The following BPTF variants were observed in gnomAD, a reference collection of about 807,000 sequenced individuals.
The protein encoded by BPTF is nucleosome-remodeling factor subunit BPTF.
In BPTF, 18 loss-of-function variants were observed where a neutral mutation model predicts 292.5. The observed-to-expected ratio is 0.06, with a 90% CI of 0.04 to 0.09. The LOEUF is 0.09. BPTF is among the 10% of genes least tolerant of loss of function. The probability of loss-of-function intolerance (pLI) is 1.00; values close to 1 mark genes in which losing one functional copy is unlikely to be tolerated. For synonymous variants in BPTF, 1,225 were observed against 1,251.9 expected (o/e 0.98, Z 0.45); for missense variants, 2,726 against 3,498.7 (o/e 0.78, Z 5.57).
chr17:67,828,771 A>G (rs1212483797), intron 1 of BPTF, among the ~76,000 whole-genome samples: 3 of 151,828 alleles, frequency 2.0e-5, no homozygotes, highest in African/African-American at 7.3e-5. Context: ...CAGTTGATCC[A>G]CCTGCCTCAG....
At chr17:67,844,068 G>A (rs1029675527) in intron 1 of BPTF, among the ~76,000 whole-genome samples, 7 of 104,792 alleles carry the variant, frequency 6.7e-5, no homozygotes, top group East Asian at 2.7e-4. Flanking sequence ...CCCGGCCCCC[G>A]CCTTTTTTTT....
At chr17:67,901,244 G>C (rs146027079) in intron 7 of BPTF, among the ~76,000 whole-genome samples, 13 of 151,832 alleles carry the variant, frequency 8.6e-5, no homozygotes, top group South Asian at 2.1e-4. Context: ...AAGCATGTTT[G>C]GGAAGATATC....
In BPTF at chr17:67,959,667, C is replaced by T. The variant is rs782449768; in HGVS notation, c.8053C>T (p.Pro2685Ser). The T allele has an allele frequency of 5.2e-5, 71 of 1,358,174 alleles. No homozygotes were observed. The African/African-American group carries it at 9.5e-4, about 18-fold the overall frequency. The allele number at this position is 1,358,174 out of a possible 1,614,324, so 84.1% of individuals were successfully genotyped here. A position where few individuals can be genotyped will look rare whatever the true frequency, so the allele number is the denominator to read the frequency against. ...PAPPAPPAPP[P>S]SPPPPPAVQH... Reference sequence around the variant, plus strand: ...TCCTCCAGCCCCTCCAGCCCCTCCACCTTCACCTCCCCCTCCACCTGCTGT... The same window carrying T: ...TCCTCCAGCCCCTCCAGCCCCTCCATCTTCACCTCCCCCTCCACCTGCTGT... Residue 2685 changes from proline to serine, a missense_variant, in exon 24 of 28, where the codon CCT becomes TCT. Pro to Ser is a moderately conservative substitution (Grantham distance 74). Transcript: ENST00000306378.
chr17:67,871,560 A>G (rs1455879366), intron 3 of BPTF, among the ~76,000 whole-genome samples: 44 of 151,676 alleles, frequency 2.9e-4, no homozygotes, highest in Non-Finnish European at 6.5e-4. Flanking sequence ...CTATGCCTGT[A>G]TGGTAATTAT....
At chr17:67,964,865 G>A (rs751976321) in intron 25 of BPTF, among the ~76,000 whole-genome samples, 5 of 151,696 alleles carry the variant, frequency 3.3e-5, no homozygotes, top group African/African-American at 9.7e-5. Flanking sequence ...TGGGCGTGGT[G>A]GCGGGCGCCT....
At chr17:67,829,036 C>CCA in intron 1 of BPTF, among the ~76,000 whole-genome samples, 1 of 152,182 alleles carries the variant, frequency 6.6e-6, no homozygotes, top group Non-Finnish European at 1.5e-5. Context: ...GATAACTCTA[C>CCA]AGTGGGTGTC....
At chr17:67,976,216 T>C (rs1327984560) in intron 27 of BPTF, 3 of 250,636 alleles carry the variant, frequency 1.2e-5, no homozygotes, top group Non-Finnish European at 2.2e-5. Flanking sequence ...CTCACGCCTG[T>C]AATCCCAACA....
At chr17:67,863,029 A>G (rs1044590907) in intron 2 of BPTF, among the ~76,000 whole-genome samples, 23 of 152,200 alleles carry the variant, frequency 1.5e-4, no homozygotes, top group African/African-American at 5.5e-4. Flanking sequence ...CACTTCCCGT[A>G]CCAAAAGTTG....
intron 3 of BPTF, among the ~76,000 whole-genome samples, chr17:67,868,138 T>G (rs1230092573): frequency 5.9e-5 from 9 of 152,198 alleles, no homozygotes; most frequent in Non-Finnish European, 1.5e-5. Flanking sequence ...ACCTTATTTA[T>G]TTTGTTACTC....
chr17:67,918,513 G>A (rs561569071), intron 11 of BPTF, among the ~76,000 whole-genome samples: 2 of 152,032 alleles, frequency 1.3e-5, no homozygotes, highest in South Asian at 2.1e-4. Flanking sequence ...AAAAATGTTA[G>A]GTGCGTGTTA....
At chr17:67,908,146 G>A (rs1474731558) in intron 9 of BPTF, among the ~76,000 whole-genome samples, 3 of 151,932 alleles carry the variant, frequency 2.0e-5, no homozygotes, top group Non-Finnish European at 4.4e-5. Context: ...CTTCATACAC[G>A]AGTTTTCTTT....
chr17:67,930,115 CAAA>C (rs57367735), intron 17 of BPTF, among the ~76,000 whole-genome samples: 14,207 of 107,780 alleles, frequency 0.13, 2,280 homozygotes, highest in African/African-American at 0.38. Context: ...GACCTTGTCT[CAAA>C]AAAAAAAAAA....
intron 8 of BPTF, 77 bp from the exon 9 acceptor site, chr17:67,904,625 A>G: frequency 5.3e-6 from 6 of 1,129,530 alleles, no homozygotes; most frequent in Non-Finnish European, 7.3e-6. Context: ...TTGTTTGGTA[A>G]AAATGCATAA....
intron 26 of BPTF, among the ~76,000 whole-genome samples, chr17:67,969,096 G>A (rs541678404): frequency 2.6e-5 from 4 of 151,338 alleles, no homozygotes; most frequent in South Asian, 2.1e-4. Context: ...GAGCCCAGGA[G>A]TTCAAGACCA....
intron 26 of BPTF, among the ~76,000 whole-genome samples, chr17:67,970,586 G>A (rs1208720599): frequency 6.6e-6 from 1 of 152,134 alleles, no homozygotes; most frequent in Non-Finnish European, 1.5e-5. Flanking sequence ...GTACCTAAAT[G>A]TGTTTAGAAA....
At chr17:67,870,432 A>G (rs949437328) in intron 3 of BPTF, among the ~76,000 whole-genome samples, 4 of 152,016 alleles carry the variant, frequency 2.6e-5, no homozygotes, top group Non-Finnish European at 5.9e-5. Context: ...CCTCTCAGCA[A>G]CTTTTTAAGG....
At chr17:67,947,110 A>T (rs764381304) in intron 21 of BPTF, among the ~76,000 whole-genome samples, 47 of 152,208 alleles carry the variant, frequency 3.1e-4, no homozygotes, top group Admixed American at 3.0e-3. Flanking sequence ...TTCCAGCCAC[A>T]TGAGATTATT....
At chr17:67,948,024 CT>C in intron 22 of BPTF, 56 bp from the exon 23 acceptor site, 1 of 1,517,262 alleles carries the variant, frequency 6.6e-7, no homozygotes, top group Non-Finnish European at 9.1e-7. Context: ...AGAATGATGT[CT>C]TAAGCCTTTC....
At chr17:67,865,631 C>G (rs764327671) in intron 2 of BPTF, among the ~76,000 whole-genome samples, 1 of 152,234 alleles carries the variant, frequency 6.6e-6, no homozygotes, top group African/African-American at 2.4e-5. Flanking sequence ...CAGGCTCACT[C>G]TCATCGAGTG....
Sources: allele counts gnomAD v4.1 joint callset (sites outside exome capture counted in the v4.1 genomes callset), GRCh38; gene constraint gnomAD v4.1.1; transcripts MANE v1.5; gene names NCBI Gene and HGNC (gene_info 2026-07-23, HGNC 2026-07-21).